Variants in AFG1L observed in about 807,000 individuals in gnomAD.
AFG1L encodes AFG1 like ATPase.
AFG1L carries 53 observed loss-of-function variants against 62.2 expected under a neutral mutation model. The observed-to-expected ratio is 0.85, with a 90% CI of 0.68 to 1.07. The LOEUF is 1.07. AFG1L is among the 50% of genes least tolerant of loss of function. AFG1L has a pLI of 0.00. For missense variants in AFG1L, 555 were observed against 590.5 expected (o/e 0.94, Z 0.62); for synonymous variants, 228 against 210.3 (o/e 1.08, Z -0.73).
chr6:108,326,788 T>A (rs1778062177), intron 2 of AFG1L, among the ~76,000 whole-genome samples: 1 of 152,116 alleles, frequency 6.6e-6, no homozygotes, highest in Non-Finnish European at 1.5e-5. Context: ...GATGAAACCC[T>A]GTCTCTACTA....
intron 8 of AFG1L, among the ~76,000 whole-genome samples, chr6:108,455,629 C>T (rs1309201185): frequency 6.6e-6 from 1 of 152,158 alleles, no homozygotes; most frequent in Non-Finnish European, 1.5e-5. Context: ...CACTTTCAAA[C>T]TAAACTTTAG....
chr6:108,505,169 C>T (rs1774353593), intron 10 of AFG1L, among the ~76,000 whole-genome samples: 2 of 151,438 alleles, frequency 1.3e-5, no homozygotes, highest in African/African-American at 4.9e-5. Flanking sequence ...ATCTCAGCTC[C>T]CTGCAACCTC....
chr6:108,446,987 A>G (rs1214736941), intron 7 of AFG1L, among the ~76,000 whole-genome samples: 4 of 152,200 alleles, frequency 2.6e-5, no homozygotes, highest in South Asian at 2.1e-4. Flanking sequence ...AGAAAACATG[A>G]TGCAAATTTT....
At chr6:108,419,771 T>C (rs1464259806) in intron 7 of AFG1L, among the ~76,000 whole-genome samples, 1 of 152,210 alleles carries the variant, frequency 6.6e-6, no homozygotes, top group Non-Finnish European at 1.5e-5. Context: ...TTAGTTTTTA[T>C]GTTTTTATTT....
intron 3 of AFG1L, among the ~76,000 whole-genome samples, 197 bp downstream of exon 3, chr6:108,347,236 T>C (rs1334807704): frequency 6.6e-6 from 1 of 152,184 alleles, no homozygotes; most frequent in Non-Finnish European, 1.5e-5. Context: ...GATACAGCTG[T>C]AGTCTAGGGC....
At chr6:108,491,374 G>A (rs764446918) in intron 10 of AFG1L, among the ~76,000 whole-genome samples, 2 of 152,132 alleles carry the variant, frequency 1.3e-5, no homozygotes, top group Non-Finnish European at 2.9e-5. Context: ...ATGGACTTCT[G>A]AAAGATGCCA....
At chr6:108,478,785 C>G (rs908983265) in intron 10 of AFG1L, among the ~76,000 whole-genome samples, 1 of 152,082 alleles carries the variant, frequency 6.6e-6, no homozygotes, top group African/African-American at 2.4e-5. Flanking sequence ...TCTTTTGGAG[C>G]AGACACTGAG....
chr6:108,496,899 C>T (rs1323919520), intron 10 of AFG1L, among the ~76,000 whole-genome samples: 2 of 152,100 alleles, frequency 1.3e-5, no homozygotes, highest in East Asian at 3.8e-4. Flanking sequence ...TTTTTTTTAT[C>T]ATGGCATGTT....
At chr6:108,324,584 G>T (rs1411551270) in intron 2 of AFG1L, among the ~76,000 whole-genome samples, 1 of 152,058 alleles carries the variant, frequency 6.6e-6, no homozygotes. Context: ...CACTTCTCCA[G>T]TCTTTGACTA....
intron 7 of AFG1L, among the ~76,000 whole-genome samples, chr6:108,414,421 A>C (rs145981896): frequency 0.046 from 7,005 of 152,262 alleles, 527 homozygotes; most frequent in African/African-American, 0.16. Context: ...AATTCATTTT[A>C]TGAGGCCAAA....
At chr6:108,431,708 G>A (rs1437377982) in intron 7 of AFG1L, among the ~76,000 whole-genome samples, 1 of 149,050 alleles carries the variant, frequency 6.7e-6, no homozygotes, top group Non-Finnish European at 1.5e-5. Flanking sequence ...TCAAGTGCCC[G>A]TGTAGCTGGG....
At chr6:108,432,903 C>T (rs995306180) in intron 7 of AFG1L, among the ~76,000 whole-genome samples, 1 of 152,204 alleles carries the variant, frequency 6.6e-6, no homozygotes, top group African/African-American at 2.4e-5. Context: ...TACCATCTTC[C>T]CTGCCACTGG....
chr6:108,400,697 ATAT>A lies in AFG1L; in HGVS notation c.749-1292_749-1290del, dbSNP rs1188507690. Among the ~76,000 whole-genome samples, 655 of 97,558 alleles carry A rather than the reference ATAT, an allele frequency of 6.7e-3. 9 individuals are homozygous for A. The highest frequency in any genetic ancestry group is 0.031 in the Middle Eastern group (6 of 194). 64.0% of individuals were successfully genotyped at this position (97,558 alleles called of 152,430 possible). On this transcript the variant is annotated intron_variant, in intron 6 of 12. Transcript: ENST00000368977. ...TATTATATATTATATAATTATATAT[ATAT>A]TATTATATATATTTAATATATATTA...
intron 6 of AFG1L, among the ~76,000 whole-genome samples, chr6:108,375,931 T>C (rs951701142): frequency 6.6e-6 from 1 of 152,128 alleles, no homozygotes; most frequent in African/African-American, 2.4e-5. Flanking sequence ...TGTGAATCCA[T>C]TTCTGGTCTA....
chr6:108,341,807 C>T (rs1324562954), intron 2 of AFG1L, among the ~76,000 whole-genome samples: 1 of 152,086 alleles, frequency 6.6e-6, no homozygotes, highest in Non-Finnish European at 1.5e-5. Flanking sequence ...CATCATCCTA[C>T]TTTACAAACT....
intron 7 of AFG1L, among the ~76,000 whole-genome samples, chr6:108,428,074 A>G (rs899768248): frequency 6.6e-5 from 10 of 152,144 alleles, no homozygotes; most frequent in African/African-American, 2.4e-4. Context: ...TGTACCCAAT[A>G]TGTAGTTTTT....
intron 8 of AFG1L, among the ~76,000 whole-genome samples, chr6:108,458,759 T>G (rs1216521579): frequency 6.6e-6 from 1 of 152,236 alleles, no homozygotes; most frequent in Non-Finnish European, 1.5e-5. Flanking sequence ...TTTCTATTGA[T>G]AAGTTTTTGT....
At chr6:108,305,622 A>C (rs926496317) in intron 1 of AFG1L, among the ~76,000 whole-genome samples, 7 of 151,946 alleles carry the variant, frequency 4.6e-5, no homozygotes. Context: ...AGGTAGAGAC[A>C]GGGTTTCAGC....
intron 6 of AFG1L, among the ~76,000 whole-genome samples, chr6:108,369,854 C>T (rs1415285245): frequency 6.6e-6 from 1 of 152,128 alleles, no homozygotes; most frequent in African/African-American, 2.4e-5. Context: ...AGGTGATACA[C>T]CTGCCTCGGC....
Sources: gnomAD v4.1 joint callset for allele counts (sites outside exome capture counted in the v4.1 genomes callset) on GRCh38, gnomAD v4.1.1 for gene constraint, MANE v1.5 for transcripts, NCBI Gene and HGNC (gene_info 2026-07-23, HGNC 2026-07-21) for gene names.